The following IFNAR2 variants were observed in gnomAD, a reference collection of about 807,000 sequenced individuals.
The protein encoded by IFNAR2 is interferon alpha and beta receptor subunit 2, also known as interferon alpha/beta receptor 2.
Under a neutral mutation model 49.4 loss-of-function variants are expected in IFNAR2, and 30 were observed. The observed-to-expected ratio is 0.61, with a 90% CI of 0.45 to 0.82. IFNAR2 has a LOEUF of 0.82. Among genes scored for constraint, IFNAR2 ranks in the 40% least tolerant of loss-of-function variants. The pLI, the probability that IFNAR2 is intolerant of heterozygous loss-of-function variation, is 0.00. For missense variants in IFNAR2, 600 were observed against 622.7 expected, an observed-to-expected ratio of 0.96 and a Z score of 0.39; for synonymous variants, 224 against 234.5, an observed-to-expected ratio of 0.96 and a Z score of 0.41.
chr21:33,234,368 A>T (rs2123443996), intron 1 of IFNAR2, among the ~76,000 whole-genome samples: 1 of 152,340 alleles, frequency 6.6e-6, no homozygotes, highest in South Asian at 2.1e-4. Flanking sequence ...GCTGGATGGT[A>T]GGAATAAGGA....
chr21:33,264,117 G>T lies in IFNAR2; in HGVS notation c.*617G>T, dbSNP rs1001610322. ...CAAGTGATCTGCCCTCCTCAGCCTC[G>T]TAAAGTGCTGGGATTACAGGGGTGA... is the stretch of plus-strand genomic sequence containing the variant. On this transcript the variant is annotated 3_prime_UTR_variant, in exon 9 of 9. Transcript: ENST00000342136. The T allele has an allele frequency of 6.6e-6, 1 of 152,248 alleles. No homozygotes were observed. The highest frequency in any genetic ancestry group is 2.1e-4 in the South Asian group (1 of 4,828). 9.4% of individuals were successfully genotyped at this position (152,248 alleles called of 1,614,324 possible). A position where few individuals can be genotyped will look rare whatever the true frequency, so the allele number is the denominator to read the frequency against.
rs58370026 is a variant in IFNAR2 at position 33,263,854 on chromosome 21, C to CT, written c.*372dup. The CT allele has an allele frequency of 0.025, 3,219 of 127,148 alleles. 64 individuals carry two copies. Among genetic ancestry groups the CT allele is most frequent in the African/African-American group, 0.052 (1,630 of 31,514 alleles). 7.9% of individuals were successfully genotyped at this position (127,148 alleles called of 1,614,324 possible). A position where few individuals can be genotyped will look rare whatever the true frequency, so the allele number is the denominator to read the frequency against. ...CCTATGATATTTCTCTTCTTTCGTT[C>CT]TTTTTTTTTTTTTTTTTTGAGACAG... On this transcript the variant is annotated 3_prime_UTR_variant, in exon 9 of 9. Coordinates refer to ENST00000342136, the MANE Select transcript of IFNAR2 (RefSeq NM_001289125.3).
At chr21:33,234,256 C>T (rs139251765) in intron 1 of IFNAR2, among the ~76,000 whole-genome samples, 1 of 146,114 alleles carries the variant, frequency 6.8e-6, no homozygotes, top group Non-Finnish European at 1.5e-5. Context: ...GGATTATGTT[C>T]GCCTAATATT....
chr21:33,252,620 A>G lies in IFNAR2; in HGVS notation c.541-42A>G, dbSNP rs533390071. ...AAAAGAGATTAAGGCCTACCTCTAA[A>G]TGAAATTCTCAGTCTTACTGATTTT... is the stretch of plus-strand genomic sequence containing the variant. On this transcript the variant is annotated intron_variant, in intron 6 of 8. Transcript: ENST00000342136. The G allele has an allele frequency of 3.8e-6, 6 of 1,590,204 alleles. No individual in the cohort carries two copies. The African/African-American group carries it at 8.1e-5, about 21-fold the overall frequency.
chr21:33,252,467 GGT>G (rs1331398428), intron 6 of IFNAR2, 193 bp from the exon 7 acceptor site: 1 of 984,966 alleles, frequency 1.0e-6, no homozygotes, highest in Non-Finnish European at 1.2e-6. Flanking sequence ...TGTGTGTGCA[GGT>G]GTATATTAAA....
chr21:33,263,556 C>A lies in IFNAR2; in HGVS notation c.*56C>A, dbSNP rs1988788851. On this transcript the variant is annotated 3_prime_UTR_variant, in exon 9 of 9. Coordinates refer to ENST00000342136, the MANE Select transcript of IFNAR2 (RefSeq NM_001289125.3). ...CAAGCACCTACAGGGTTCTTTGTCT[C>A]TGCATCCTAACTTGCTGCCTTATCG... The A allele has an allele frequency of 3.3e-6, 5 of 1,501,520 alleles. No individual in the cohort carries two copies. In the African/African-American group the frequency reaches 5.6e-5, roughly 17 times the overall value. 93.0% of individuals were successfully genotyped at this position (1,501,520 alleles called of 1,614,324 possible).
Position 33,230,287 on chromosome 21 carries a change from C to T in IFNAR2, c.-84+71C>T, listed in dbSNP as rs1985942015. 2 of 1,107,426 alleles carry T rather than the reference C, an allele frequency of 1.8e-6. No individual in the cohort carries two copies. The highest frequency in any genetic ancestry group is 1.7e-5 in the African/African-American group (1 of 58,920). The allele number at this position is 1,107,426 out of a possible 1,614,324, so 68.6% of individuals were successfully genotyped here. On this transcript the variant is annotated intron_variant, in intron 1 of 8. Coordinates refer to ENST00000342136, the MANE Select transcript of IFNAR2 (RefSeq NM_001289125.3). This position sits in a 1 kb window ranked among gnomAD's most constrained non-coding sequence, Gnocchi z 5.5. ...TGACTGGAGGGAAAACGCCGCCTCC[C>T]TGCAGCGGTTCCCGGAATCCCCTCC... is the stretch of plus-strand genomic sequence containing the variant.
At chr21:33,254,997 C>T (rs73360272) in intron 7 of IFNAR2, among the ~76,000 whole-genome samples, 1,597 of 152,232 alleles carry the variant, frequency 0.01, 25 homozygotes, top group African/African-American at 0.035. Context: ...TGGCACATAA[C>T]GGTGCTCTGT....
At chr21:33,236,296 C>T (rs1040489960) in intron 1 of IFNAR2, among the ~76,000 whole-genome samples, 2 of 152,138 alleles carry the variant, frequency 1.3e-5, no homozygotes, top group Non-Finnish European at 2.9e-5. Flanking sequence ...CACCTGACTT[C>T]TAGGCATCCC....
chr21:33,231,466 TAAAG>T (rs1208671063), intron 1 of IFNAR2, among the ~76,000 whole-genome samples: 2 of 152,160 alleles, frequency 1.3e-5, no homozygotes, highest in East Asian at 3.8e-4. Context: ...ATTGAAAAGT[TAAAG>T]AAAATCTGAT....
intron 1 of IFNAR2, among the ~76,000 whole-genome samples, chr21:33,241,631 T>G (rs1373231875): frequency 5.2e-5 from 4 of 77,004 alleles, no homozygotes; most frequent in African/African-American, 1.5e-4. Context: ...CTTTTCACAA[T>G]TTTTTTTTTG....
At chr21:33,260,239 T>C (rs957865951) in intron 7 of IFNAR2, among the ~76,000 whole-genome samples, 7 of 152,224 alleles carry the variant, frequency 4.6e-5, no homozygotes, top group African/African-American at 7.2e-5. Context: ...TGCTAACCAG[T>C]GTGGCTACCG....
intron 7 of IFNAR2, among the ~76,000 whole-genome samples, chr21:33,256,141 G>A (rs1254414041): frequency 6.6e-6 from 1 of 152,178 alleles, no homozygotes; most frequent in Non-Finnish European, 1.5e-5. Flanking sequence ...GAAGGCACAA[G>A]CTCCTTGGAG....
At chr21:33,242,949 C>T (rs1347547434) in intron 2 of IFNAR2, among the ~76,000 whole-genome samples, 10 of 150,288 alleles carry the variant, frequency 6.7e-5, no homozygotes, top group South Asian at 2.1e-4. Flanking sequence ...CCACCATGCC[C>T]GGCTAATTTT....
intron 2 of IFNAR2, among the ~76,000 whole-genome samples, chr21:33,243,265 G>A (rs1324064364): frequency 1.3e-5 from 2 of 152,036 alleles, no homozygotes; most frequent in Non-Finnish European, 2.9e-5. Context: ...TGTATTTTTA[G>A]TAGAGACAGG....
chr21:33,252,106 AT>A, intron 6 of IFNAR2: 1 of 462,430 alleles, frequency 2.2e-6, no homozygotes, highest in Non-Finnish European at 4.5e-6. Context: ...CTATCTATCT[AT>A]CTATCTATCT....
intron 7 of IFNAR2, among the ~76,000 whole-genome samples, chr21:33,257,945 A>G (rs1394396593): frequency 6.6e-6 from 1 of 152,188 alleles, no homozygotes; most frequent in Non-Finnish European, 1.5e-5. Flanking sequence ...AAAGATGTCT[A>G]CATCCTAATC....
chr21:33,258,956 G>A (rs141176881), intron 7 of IFNAR2, among the ~76,000 whole-genome samples: 107 of 152,278 alleles, frequency 7.0e-4, no homozygotes, highest in African/African-American at 2.6e-3. Context: ...ACCCAGGGGA[G>A]AGGCGGTCTT....
intron 1 of IFNAR2, among the ~76,000 whole-genome samples, chr21:33,241,068 G>A (rs1276613643): frequency 6.6e-6 from 1 of 152,098 alleles, no homozygotes; most frequent in Non-Finnish European, 1.5e-5. Context: ...GGGAGTTAAG[G>A]AATGAGAAAT....
Sources: gnomAD v4.1 joint callset for allele counts (sites outside exome capture counted in the v4.1 genomes callset) on GRCh38, gnomAD v4.1.1 for gene constraint, Gnocchi (gnomAD v3.1) non-coding constraint, MANE v1.5 for transcripts, NCBI Gene and HGNC (gene_info 2026-07-23, HGNC 2026-07-21) for gene names.